The following MYBPC1 variants were observed in gnomAD, a reference collection of about 807,000 sequenced individuals.
MYBPC1 encodes myosin-binding protein C, slow-type.
MYBPC1 carries 52 observed loss-of-function variants against 147.1 expected under a neutral mutation model. The observed-to-expected ratio is 0.35, with a 90% CI of 0.28 to 0.45. The LOEUF is 0.45. Ranked by LOEUF, MYBPC1 falls within the 20% of genes least tolerant of loss-of-function variation. MYBPC1 has a pLI of 1.00. For missense variants in MYBPC1, 1,228 were observed against 1,440.3 expected, an observed-to-expected ratio of 0.85 and a Z score of 2.39; for synonymous variants, 477 against 475.9, an observed-to-expected ratio of 1.00 and a Z score of -0.03.
chr12:101,670,893 A>T (rs1468716061), intron 24 of MYBPC1, among the ~76,000 whole-genome samples: 3 of 152,216 alleles, frequency 2.0e-5, no homozygotes, highest in Admixed American at 2.0e-4. Context: ...GAAATATATG[A>T]ACAATATTAA....
chr12:101,626,718 T>C (rs2135988844), intron 3 of MYBPC1, 154 bp from the exon 4 acceptor site: 1 of 710,978 alleles, frequency 1.4e-6, no homozygotes, highest in Non-Finnish European at 2.5e-6. Flanking sequence ...AAAACTCAGG[T>C]TTCACTTTTC....
intron 25 of MYBPC1, among the ~76,000 whole-genome samples, 172 bp from the exon 26 acceptor site, chr12:101,675,120 C>A (rs562464741): frequency 1.3e-5 from 2 of 152,174 alleles, no homozygotes; most frequent in East Asian, 1.9e-4. Context: ...TTTGATCTGG[C>A]CTGGCTCCAT....
chr12:101,650,576 C>A (rs979702672), intron 15 of MYBPC1, among the ~76,000 whole-genome samples: 1 of 152,112 alleles, frequency 6.6e-6, no homozygotes, highest in Non-Finnish European at 1.5e-5. Flanking sequence ...AGGGGGGTAA[C>A]CGCCCCCATG....
At chr12:101,629,390 A>G (rs1213846715) in intron 5 of MYBPC1, 44 bp from the exon 6 acceptor site, 1 of 1,332,738 alleles carries the variant, frequency 7.5e-7, no homozygotes, top group Non-Finnish European at 1.1e-6. Flanking sequence ...GCCTAAGAAG[A>G]GCCTGGCCCT....
intron 1 of MYBPC1, among the ~76,000 whole-genome samples, chr12:101,608,139 A>T (rs1330150005): frequency 6.6e-6 from 1 of 152,206 alleles, no homozygotes; most frequent in Non-Finnish European, 1.5e-5. Context: ...CCATAAATAG[A>T]TCTACCCCTT....
chr12:101,655,788 T>A (rs968795551), intron 18 of MYBPC1, among the ~76,000 whole-genome samples: 2 of 152,106 alleles, frequency 1.3e-5, no homozygotes, highest in Non-Finnish European at 2.9e-5. Flanking sequence ...TATTAAAAGT[T>A]GTTCTTCAGA....
intron 16 of MYBPC1, 80 bp from the exon 17 acceptor site, chr12:101,652,598 G>A: frequency 1.0e-6 from 1 of 958,242 alleles, no homozygotes. Context: ...ATCAGATAAA[G>A]GTCAAGTGTC....
chr12:101,627,051 A>C (rs1888770048), intron 4 of MYBPC1, 141 bp downstream of exon 4: 1 of 747,512 alleles, frequency 1.3e-6, no homozygotes, highest in East Asian at 2.6e-5. Context: ...GGCACCAAGA[A>C]GGAAATGTTG....
At chr12:101,668,553 C>T (rs182786602) in intron 23 of MYBPC1, among the ~76,000 whole-genome samples, 25 of 152,170 alleles carry the variant, frequency 1.6e-4, no homozygotes, top group Middle Eastern at 3.4e-3. Flanking sequence ...CTCTGCCTCC[C>T]GGGTTCAAGC....
intron 11 of MYBPC1, among the ~76,000 whole-genome samples, chr12:101,643,838 T>A (rs1488197681): frequency 1.3e-5 from 2 of 152,150 alleles, no homozygotes; most frequent in Non-Finnish European, 2.9e-5. Flanking sequence ...TGCCACTGTT[T>A]GGGCAAGTTA....
At chr12:101,647,001 C>A in intron 13 of MYBPC1, 114 bp downstream of exon 13, 2 of 1,342,912 alleles carry the variant, frequency 1.5e-6, no homozygotes, top group Non-Finnish European at 2.1e-6. Context: ...TATTATGGAT[C>A]CTAATGAGTC....
At chr12:101,661,866 C>T (rs1896604407) in intron 20 of MYBPC1, among the ~76,000 whole-genome samples, 1 of 135,692 alleles carries the variant, frequency 7.4e-6, no homozygotes, top group Non-Finnish European at 1.5e-5. Context: ...CACTGCACTC[C>T]AGCCTGGGCA....
In MYBPC1 at chr12:101,662,348, A is replaced by G. The variant is rs775328120; in HGVS notation, c.2033-10A>G. On this transcript the variant is annotated splice_polypyrimidine_tract_variant and intron_variant, in intron 20 of 31. Transcript: ENST00000361466. ...GGAAAAACCTTAGTTTTCATTTTGC[A>G]TACCTGCAGGATATTTTATTGAGAG... 2 of 1,614,010 alleles carry G rather than the reference A, an allele frequency of 1.2e-6. No homozygotes were observed. Among genetic ancestry groups the G allele is most frequent in the South Asian group, 1.1e-5 (1 of 91,058 alleles).
At chr12:101,633,602 G>A (rs1469799719) in intron 8 of MYBPC1, among the ~76,000 whole-genome samples, 2 of 151,668 alleles carry the variant, frequency 1.3e-5, no homozygotes, top group African/African-American at 2.4e-5. Flanking sequence ...CAGGAGAATC[G>A]CTTGAACCGG....
chr12:101,622,457 G>A (rs825098), intron 3 of MYBPC1, among the ~76,000 whole-genome samples: 4 of 152,254 alleles, frequency 2.6e-5, no homozygotes, highest in Admixed American at 2.6e-4. Context: ...GAAACTGGCT[G>A]GGTGAGATGG....
intron 17 of MYBPC1, 109 bp downstream of exon 17, chr12:101,652,893 A>G: frequency 9.1e-7 from 1 of 1,103,340 alleles, no homozygotes; most frequent in African/African-American, 1.6e-5. Flanking sequence ...GGAAAAATAC[A>G]TCAATTGGTA....
At chr12:101,652,819 TTC>T in intron 17 of MYBPC1, 35 bp downstream of exon 17, 3 of 1,528,014 alleles carry the variant, frequency 2.0e-6, no homozygotes, top group Non-Finnish European at 2.7e-6. Context: ...CATAGTTGTG[TTC>T]TTTTTTGTTT....
Position 101,684,429 on chromosome 12 carries a change from G to A in MYBPC1, c.*19+5G>A, listed in dbSNP as rs745901355. ...GAATGTATAATATCATCTAAGGTAA[G>A]CTTTCATATGGTTTTGGCATATGAA... On this transcript the variant is annotated splice_donor_5th_base_variant and intron_variant, in intron 31 of 31. Transcript: ENST00000361466. 5 of 1,579,078 alleles carry A rather than the reference G, an allele frequency of 3.2e-6. No individual in the cohort carries two copies. In the South Asian group the frequency reaches 5.5e-5, roughly 17 times the overall value.
Position 101,675,997 on chromosome 12 carries a change from G to A in MYBPC1, c.2949+566G>A, listed in dbSNP as rs566109226. ...AGCTTAATGCAAACTTGTCCAACCC[G>A]TGGCCCACAGGCCTCATGCAACCCA... On this transcript the variant is annotated intron_variant, in intron 26 of 31. Coordinates refer to ENST00000361466, the MANE Select transcript of MYBPC1 (RefSeq NM_002465.4). Among the ~76,000 whole-genome samples the A allele has an allele frequency of 1.6e-4, 24 of 152,336 alleles. 1 individual carries two copies. The highest frequency in any genetic ancestry group is 1.0e-3 in the South Asian group (5 of 4,828).
Sources: allele counts gnomAD v4.1 joint callset (sites outside exome capture counted in the v4.1 genomes callset), GRCh38; gene constraint gnomAD v4.1.1; transcripts MANE v1.5; gene names NCBI Gene and HGNC (gene_info 2026-07-23, HGNC 2026-07-21).